Variants in PPP1R9A observed in about 807,000 individuals in gnomAD.
PPP1R9A encodes neurabin-1.
A neutral mutation model predicts 141.9 loss-of-function variants in PPP1R9A; 59 were observed. That is an observed-to-expected ratio of 0.42 (90% CI 0.34 to 0.52). The LOEUF is 0.52. Ranked by LOEUF, PPP1R9A falls within the 20% of genes least tolerant of loss-of-function variation. PPP1R9A has a pLI of 0.10. For missense variants in PPP1R9A, 1,444 were observed against 1,611.9 expected, an observed-to-expected ratio of 0.90 and a Z score of 1.78; for synonymous variants, 500 against 569.7, an observed-to-expected ratio of 0.88 and a Z score of 1.74.
chr7:94,927,759 G>A (rs1793662210), intron 2 of PPP1R9A, among the ~76,000 whole-genome samples: 1 of 152,140 alleles, frequency 6.6e-6, no homozygotes, highest in African/African-American at 2.4e-5. Context: ...TGTGATAGAG[G>A]TATATACATA....
At chr7:95,276,104 A>G (rs1035845987) in intron 16 of PPP1R9A, among the ~76,000 whole-genome samples, 11 of 152,224 alleles carry the variant, frequency 7.2e-5, no homozygotes, top group South Asian at 2.1e-4. Context: ...TAGGGGAGAA[A>G]GAGATGCATA....
intron 4 of PPP1R9A, chr7:95,155,025 AT>A (rs1053590073): frequency 2.0e-5 from 3 of 152,168 alleles, no homozygotes; most frequent in African/African-American, 7.2e-5. Flanking sequence ...GATTATCATT[AT>A]CATCATTATC....
intron 12 of PPP1R9A, among the ~76,000 whole-genome samples, chr7:95,259,110 A>G (rs992987738): frequency 6.6e-6 from 1 of 152,196 alleles, no homozygotes; most frequent in African/African-American, 2.4e-5. Context: ...ATTATATACA[A>G]TTCACTACCA....
intron 4 of PPP1R9A, among the ~76,000 whole-genome samples, chr7:95,129,020 T>G (rs1824089548): frequency 6.6e-6 from 1 of 152,218 alleles, no homozygotes; most frequent in Non-Finnish European, 1.5e-5. Context: ...GGAGTTAAAT[T>G]TTTATATACA....
chr7:95,027,787 G>A (rs1281030867), intron 2 of PPP1R9A, among the ~76,000 whole-genome samples: 1 of 152,100 alleles, frequency 6.6e-6, no homozygotes, highest in Non-Finnish European at 1.5e-5. Flanking sequence ...GTAAGTATTT[G>A]TATAGTTTAA....
chr7:95,061,396 A>C (rs1490224421), intron 2 of PPP1R9A, among the ~76,000 whole-genome samples: 3 of 152,224 alleles, frequency 2.0e-5, no homozygotes, highest in African/African-American at 7.2e-5. Flanking sequence ...TAACAATACC[A>C]TAGGTCTTTA....
At chr7:95,115,509 A>G (rs1563257273) in intron 3 of PPP1R9A, among the ~76,000 whole-genome samples, 2 of 152,220 alleles carry the variant, frequency 1.3e-5, no homozygotes, top group Non-Finnish European at 2.9e-5. Flanking sequence ...TTGAAATACC[A>G]TATAAGTTTA....
chr7:95,157,212 C>G (rs1829762459), intron 4 of PPP1R9A, among the ~76,000 whole-genome samples: 1 of 152,072 alleles, frequency 6.6e-6, no homozygotes, highest in Non-Finnish European at 1.5e-5. Flanking sequence ...CGGGAGCAGG[C>G]ACTTCTGAGC....
At chr7:95,241,640 C>T (rs1456559397) in intron 8 of PPP1R9A, among the ~76,000 whole-genome samples, 1 of 152,036 alleles carries the variant, frequency 6.6e-6, no homozygotes, top group African/African-American at 2.4e-5. Flanking sequence ...CCTTGCCATT[C>T]CTCCTCAGGA....
intron 8 of PPP1R9A, among the ~76,000 whole-genome samples, chr7:95,244,484 T>C (rs1242954298): frequency 6.6e-6 from 1 of 152,176 alleles, no homozygotes; most frequent in Non-Finnish European, 1.5e-5. Context: ...ATCTAGCATT[T>C]TTCATATGGG....
chr7:94,936,328 A>C (rs760710901), intron 2 of PPP1R9A, among the ~76,000 whole-genome samples: 2 of 152,154 alleles, frequency 1.3e-5, no homozygotes, highest in Non-Finnish European at 2.9e-5. Context: ...TCTGTATCTA[A>C]ACAATAATTC....
rs1219082690 is a variant in PPP1R9A at position 95,198,390 on chromosome 7, T to C, written c.1796T>C (p.Val599Ala). The change falls in exon 6 of 20, where the codon GTT (valine) becomes GCT (alanine). Residue 599 changes from valine (V) to alanine (A), a missense_variant. Transcript: ENST00000433360. The stretch of plus-strand genomic sequence containing the variant: ...GAAAAACCAGGACAAGTGAGCGAGG[T>C]TGCCCAGTTGATAAGCCAGACACTG... ...GREKPGQVSE[V>A]AQLISQTLEQ... is the part of the protein sequence containing the mutation. 2.4e-5 allele frequency: 39 copies of C among 1,613,006 alleles called. No homozygotes were observed. The highest frequency in any genetic ancestry group is 3.2e-5 in the Non-Finnish European group (38 of 1,179,596).
intron 2 of PPP1R9A, among the ~76,000 whole-genome samples, chr7:94,997,010 G>T (rs1261070367): frequency 6.6e-6 from 1 of 151,950 alleles, no homozygotes; most frequent in Non-Finnish European, 1.5e-5. Context: ...CACCATGTTG[G>T]TCAGGCTGGT....
chr7:95,238,111 G>A (rs1266500033), intron 8 of PPP1R9A, among the ~76,000 whole-genome samples: 3 of 152,156 alleles, frequency 2.0e-5, no homozygotes, highest in South Asian at 2.1e-4. Context: ...AATACCCATA[G>A]CATACCATCC....
chr7:95,215,153 A>G (rs1793055524), intron 7 of PPP1R9A, among the ~76,000 whole-genome samples: 1 of 113,054 alleles, frequency 8.8e-6, no homozygotes, highest in Non-Finnish European at 1.6e-5. Context: ...CCGGTGTGTG[A>G]TGTTCCCCTT....
In PPP1R9A at chr7:95,111,406, C is replaced by T. The variant is rs753600979; in HGVS notation, c.1528+15C>T. ...GCTAGAGAAAGGTTCGTGAGTGCTA[C>T]AGTGTTAATATCATTATGTTGCTAT... is the stretch of plus-strand genomic sequence containing the variant. On this transcript the variant is annotated intron_variant, in intron 3 of 19. Coordinates refer to ENST00000433360, the MANE Select transcript of PPP1R9A (RefSeq NM_001166160.2). 6.2e-7 allele frequency: 1 copy of T among 1,609,120 alleles called. No homozygotes were observed. Among genetic ancestry groups the T allele is most frequent in the Non-Finnish European group, 8.5e-7 (1 of 1,176,356 alleles).
intron 5 of PPP1R9A, among the ~76,000 whole-genome samples, chr7:95,181,231 TATATATA>T (rs1428004552): frequency 7.0e-6 from 1 of 143,198 alleles, no homozygotes. Flanking sequence ...ATATATAGAA[TATATATA>T]GTATATAGAG....
At position 95,188,600 on chromosome 7, in the gene PPP1R9A, G is replaced by GT. The variant is rs150725765; in HGVS notation, c.1755-9733dup. 5.8e-3 allele frequency among the ~76,000 whole-genome samples: 774 copies of GT among 133,412 alleles called. 3 individuals carry two copies. Among genetic ancestry groups the GT allele is most frequent in the Admixed American group, 0.014 (187 of 13,398 alleles). 87.5% of individuals were successfully genotyped at this position (133,412 alleles called of 152,430 possible). ...TGTGTGTGTGTCTGTGTTGTGTTTTGTTTTTTTTTTTTTTTTGAGACAGAA... is the reference window on the plus strand; with the variant it reads ...TGTGTGTGTGTCTGTGTTGTGTTTTGTTTTTTTTTTTTTTTTTGAGACAGAA... On this transcript the variant is annotated intron_variant, in intron 5 of 19. Coordinates refer to ENST00000433360, the MANE Select transcript of PPP1R9A (RefSeq NM_001166160.2).
At position 95,140,561 on chromosome 7, in the gene PPP1R9A, T is replaced by A. The variant is rs1584913323; in HGVS notation, c.1649+19729T>A. On this transcript the variant is annotated intron_variant, in intron 4 of 19. Coordinates refer to ENST00000433360, the MANE Select transcript of PPP1R9A (RefSeq NM_001166160.2). ...ATGCCATTGTGCCCAGCTAATTTTT[T>A]TGTATTTTTAGTATAGACGGGGTTT... is the stretch of plus-strand genomic sequence containing the variant. Among the ~76,000 whole-genome samples the A allele has an allele frequency of 2.0e-5, 3 of 152,268 alleles. No homozygotes were observed. In the East Asian group the frequency reaches 5.8e-4, roughly 29 times the overall value.
Sources: gnomAD v4.1 joint callset for allele counts (sites outside exome capture counted in the v4.1 genomes callset) on GRCh38, gnomAD v4.1.1 for gene constraint, MANE v1.5 for transcripts, NCBI Gene and HGNC (gene_info 2026-07-23, HGNC 2026-07-21) for gene names.